WSCD1: variants seen among roughly 807,000 people sequenced by gnomAD.
The protein encoded by WSCD1 is sialate:O-sulfotransferase 1.
WSCD1 carries 41 observed loss-of-function variants against 60.4 expected under a neutral mutation model. The ratio of observed to expected loss-of-function variants is 0.68; its 90% confidence interval spans 0.53 to 0.88. The LOEUF (loss-of-function observed/expected upper bound fraction) is 0.88. WSCD1 is among the 40% of genes least tolerant of loss of function. The pLI is 0.00. For synonymous variants in WSCD1, 361 were observed against 332.5 expected (o/e 1.09, Z -0.93); for missense variants, 784 against 796.2 (o/e 0.98, Z 0.18).
chr17:6,109,824 C>T (rs1467441295), intron 6 of WSCD1, 58 bp downstream of exon 6: 3 of 1,581,104 alleles, frequency 1.9e-6, no homozygotes, highest in Admixed American at 1.7e-5. Context: ...GGGAGAGCTT[C>T]CAGGGTTTGG....
intron 7 of WSCD1, among the ~76,000 whole-genome samples, chr17:6,114,533 G>A (rs1023597730): frequency 2.0e-5 from 3 of 152,106 alleles, no homozygotes; most frequent in African/African-American, 7.2e-5. Flanking sequence ...AATGATAAAT[G>A]TTTGAGGCGA....
At chr17:6,095,441 G>A (rs1198766401) in intron 5 of WSCD1, among the ~76,000 whole-genome samples, 1 of 152,230 alleles carries the variant, frequency 6.6e-6, no homozygotes, top group African/African-American at 2.4e-5. Flanking sequence ...GTGGGGAATT[G>A]TCAGCAAGGC....
chr17:6,081,917 G>C (rs1311305537), intron 2 of WSCD1: 1 of 152,132 alleles, frequency 6.6e-6, no homozygotes, highest in Non-Finnish European at 1.5e-5. Flanking sequence ...GAGTTGCCTA[G>C]TCAGGAACTC....
intron 5 of WSCD1, among the ~76,000 whole-genome samples, chr17:6,095,717 C>T (rs990604810): frequency 5.3e-5 from 8 of 152,310 alleles, no homozygotes; most frequent in East Asian, 1.9e-4. Flanking sequence ...AGGCCACTGA[C>T]CCCGCATTGC....
Position 6,120,771 on chromosome 17 carries a change from G to GAGCCCCCCACCCACC in WSCD1, c.*110_*111insAGCCCCCCACCCACC. 2.5e-6 allele frequency: 3 copies of GAGCCCCCCACCCACC among 1,191,184 alleles called. No homozygotes were observed. The highest frequency in any genetic ancestry group is 3.5e-6 in the Non-Finnish European group (3 of 864,132). 73.8% of individuals were successfully genotyped at this position (1,191,184 alleles called of 1,614,324 possible). A position where few individuals can be genotyped will look rare whatever the true frequency, so the allele number is the denominator to read the frequency against. ...GGCCTCACTGGGACGAACGGTGGGT[G>GAGCCCCCCACCCACC]GGGGGCTCACCCTGGTGCTGCCTCC... On this transcript the variant is annotated 3_prime_UTR_variant, in exon 9 of 9. Coordinates refer to ENST00000317744, the MANE Select transcript of WSCD1 (RefSeq NM_015253.2).
At chr17:6,106,708 A>G (rs1388173454) in intron 5 of WSCD1, among the ~76,000 whole-genome samples, 1 of 152,216 alleles carries the variant, frequency 6.6e-6, no homozygotes, top group Non-Finnish European at 1.5e-5. Context: ...CAGATAGGTT[A>G]GTACACAAAA....
intron 5 of WSCD1, among the ~76,000 whole-genome samples, chr17:6,097,324 G>A (rs1004057997): frequency 1.3e-5 from 2 of 152,254 alleles, no homozygotes; most frequent in East Asian, 1.9e-4. Flanking sequence ...TAATGAAGAC[G>A]CCAAAGGGCA....
At chr17:6,096,944 G>C (rs992279682) in intron 5 of WSCD1, among the ~76,000 whole-genome samples, 1 of 152,242 alleles carries the variant, frequency 6.6e-6, no homozygotes, top group African/African-American at 2.4e-5. Flanking sequence ...CCTGCGGGGG[G>C]TTATCTGCTT....
intron 4 of WSCD1, among the ~76,000 whole-genome samples, chr17:6,093,800 G>C (rs976223010): frequency 6.6e-6 from 1 of 152,188 alleles, no homozygotes; most frequent in African/African-American, 2.4e-5. Context: ...GTCTGAGCCC[G>C]AGACATGGCA....
At chr17:6,091,856 G>C (rs577336995) in intron 4 of WSCD1, among the ~76,000 whole-genome samples, 1 of 152,288 alleles carries the variant, frequency 6.6e-6, no homozygotes, top group South Asian at 2.1e-4. Context: ...GCAGAGCCCA[G>C]GTAAAGAGGT....
intron 1 of WSCD1, among the ~76,000 whole-genome samples, chr17:6,073,781 C>T (rs965124410): frequency 1.3e-5 from 2 of 152,250 alleles, no homozygotes; most frequent in Admixed American, 1.3e-4. Context: ...TGTGTGGACC[C>T]AGCCTCCAGC....
chr17:6,111,931 A>G (rs975471262), intron 7 of WSCD1, among the ~76,000 whole-genome samples: 3 of 152,224 alleles, frequency 2.0e-5, no homozygotes, highest in African/African-American at 7.2e-5. Context: ...ATAGAAATAG[A>G]TATCATACAA....
chr17:6,097,244 GTGGCCATT>G (rs1203684609), intron 5 of WSCD1, among the ~76,000 whole-genome samples: 2 of 152,382 alleles, frequency 1.3e-5, no homozygotes, highest in African/African-American at 4.8e-5. Flanking sequence ...AAAGAAAGGG[GTGGCCATT>G]GTGGCCATGA....
At chr17:6,112,254 T>A (rs2150567530) in intron 7 of WSCD1, among the ~76,000 whole-genome samples, 1 of 152,084 alleles carries the variant, frequency 6.6e-6, no homozygotes, top group Admixed American at 6.6e-5. Flanking sequence ...AAATTCAACA[T>A]CCCTTTAGGG....
rs1162328706 is a variant in WSCD1, at chr17:6,087,995, T to C, written c.433T>C (p.Tyr145His). The change falls in exon 3 of 9, where the codon TAC becomes CAC. Residue 145 changes from tyrosine to histidine, a missense_variant. By Grantham distance (83) the Tyr-to-His change is moderately conservative. Coordinates refer to ENST00000317744, the MANE Select transcript of WSCD1 (RefSeq NM_015253.2). ...CCATGCTTCCCTTTCTGCAGGCACC[T>C]ACATTGGATGCTTCAGTGACGATGG... ...ARPAIHSRGT[Y>H]IGCFSDDGHE... 14 of 1,613,456 alleles carry C rather than the reference T, an allele frequency of 8.7e-6. No individual in the cohort carries two copies. Among genetic ancestry groups the C allele is most frequent in the Non-Finnish European group, 1.2e-5 (14 of 1,179,388 alleles).
chr17:6,094,512 A>G (rs7208545), intron 4 of WSCD1, among the ~76,000 whole-genome samples: 3,728 of 151,964 alleles, frequency 0.025, 155 homozygotes, highest in African/African-American at 0.083. Flanking sequence ...TCTGGCACCT[A>G]GTAAAAGCAC....
At chr17:6,092,900 G>A (rs1317244552) in intron 4 of WSCD1, among the ~76,000 whole-genome samples, 1 of 152,134 alleles carries the variant, frequency 6.6e-6, no homozygotes, top group African/African-American at 2.4e-5. Context: ...TGGGCAGGCT[G>A]TGGAGCCCCC....
At chr17:6,090,088 A>T (rs1215653388) in intron 3 of WSCD1, among the ~76,000 whole-genome samples, 1 of 152,192 alleles carries the variant, frequency 6.6e-6, no homozygotes, top group African/African-American at 2.4e-5. Flanking sequence ...TCTTATACAG[A>T]TGGAGAATCT....
At chr17:6,089,603 C>G (rs1909893590) in intron 3 of WSCD1, among the ~76,000 whole-genome samples, 1 of 152,180 alleles carries the variant, frequency 6.6e-6, no homozygotes, top group Non-Finnish European at 1.5e-5. Flanking sequence ...CCATGGGAAG[C>G]TGTTAAATGT....
Sources: gnomAD v4.1 joint callset for allele counts (sites outside exome capture counted in the v4.1 genomes callset) on GRCh38, gnomAD v4.1.1 for gene constraint, MANE v1.5 for transcripts, NCBI Gene and HGNC (gene_info 2026-07-23, HGNC 2026-07-21) for gene names.